The following RAD54L variants were observed in gnomAD, a reference collection of about 807,000 sequenced individuals.
RAD54L encodes the protein DNA repair and recombination protein RAD54-like.
Under a neutral mutation model 91.6 loss-of-function variants are expected in RAD54L, and 74 were observed. The observed-to-expected ratio is 0.81, with a 90% CI of 0.67 to 0.98. The LOEUF (loss-of-function observed/expected upper bound fraction) is 0.98, where lower values mean the gene tolerates loss of function less well. Among genes scored for constraint, RAD54L ranks in the 50% least tolerant of loss-of-function variants. The probability of loss-of-function intolerance (pLI) is 0.00; values close to 1 mark genes in which losing one functional copy is unlikely to be tolerated. For missense variants in RAD54L, 887 were observed against 945.7 expected, an observed-to-expected ratio of 0.94 and a Z score of 0.81; for synonymous variants, 304 against 349.7, an observed-to-expected ratio of 0.87 and a Z score of 1.46.
intron 9 of RAD54L, among the ~76,000 whole-genome samples, chr1:46,269,176 T>C (rs908286900): frequency 1.3e-5 from 2 of 152,230 alleles, no homozygotes; most frequent in Admixed American, 1.3e-4. Context: ...AATGTTCATA[T>C]ATGTGTTGCT....
chr1:46,258,538 C>T (rs1660005419), intron 3 of RAD54L, 148 bp from the exon 4 acceptor site: 4 of 698,236 alleles, frequency 5.7e-6, no homozygotes, highest in Admixed American at 4.3e-5. Flanking sequence ...GAGGCTGGGC[C>T]CTTCTGCTAT....
At chr1:46,275,991 T>G (rs934857074) in intron 16 of RAD54L, among the ~76,000 whole-genome samples, 6 of 151,980 alleles carry the variant, frequency 3.9e-5, no homozygotes, top group Non-Finnish European at 8.8e-5. Flanking sequence ...CTTTGGAAAC[T>G]CCACTCTGGT....
intron 3 of RAD54L, among the ~76,000 whole-genome samples, chr1:46,256,275 C>A (rs1453699060): frequency 6.6e-6 from 1 of 152,032 alleles, no homozygotes; most frequent in Non-Finnish European, 1.5e-5. Flanking sequence ...GGGGGGGTCT[C>A]ACTACGTTGC....
At chr1:46,259,775 CAAA>C (rs368127843) in intron 4 of RAD54L, among the ~76,000 whole-genome samples, 186 bp from the exon 5 acceptor site, 2 of 103,608 alleles carry the variant, frequency 1.9e-5, no homozygotes, top group South Asian at 2.9e-4. Context: ...GACTCCATCT[CAAA>C]AAAAAAAAAA....
At chr1:46,262,860 G>A (rs1367718738) in intron 8 of RAD54L, among the ~76,000 whole-genome samples, 1 of 152,106 alleles carries the variant, frequency 6.6e-6, no homozygotes, top group Non-Finnish European at 1.5e-5. Context: ...AGGTTCTAGA[G>A]TTAGAGACCT....
intron 9 of RAD54L, among the ~76,000 whole-genome samples, chr1:46,268,351 C>T (rs748656553): frequency 6.6e-6 from 1 of 152,148 alleles, no homozygotes; most frequent in Non-Finnish European, 1.5e-5. Context: ...CTCCTCATTC[C>T]TCCCTCCCCT....
intron 3 of RAD54L, among the ~76,000 whole-genome samples, chr1:46,253,008 G>A (rs1400391565): frequency 6.6e-6 from 1 of 152,150 alleles, no homozygotes; most frequent in Non-Finnish European, 1.5e-5. Flanking sequence ...GGAGGTCAAG[G>A]GTGCAGTGAC....
At chr1:46,256,042 T>G (rs1410487876) in intron 3 of RAD54L, among the ~76,000 whole-genome samples, 2 of 152,072 alleles carry the variant, frequency 1.3e-5, no homozygotes, top group Non-Finnish European at 2.9e-5. Flanking sequence ...AAAAGAAAAT[T>G]AGGGTCCATC....
chr1:46,272,470 C>G lies in RAD54L; in HGVS notation c.1174C>G (p.Leu392Val). Residue 392 changes from leucine to valine, a missense_variant, in exon 11 of 18, where the codon CTG becomes GTG. By Grantham distance (32) the Leu-to-Val change is conservative (BLOSUM62 1). Transcript: ENST00000371975. ...TTTTTATCCTGTTTTCTCTAGATGCCTGATACGGAGGACTTCTGATATCCT... is the reference window on the plus strand; with the variant it reads ...TTTTTATCCTGTTTTCTCTAGATGCGTGATACGGAGGACTTCTGATATCCT... ...RELTSIVNRC[L>V]IRRTSDILSK... 1 of 1,609,024 alleles carries G rather than the reference C, an allele frequency of 6.2e-7. No individual in the cohort carries two copies. Among genetic ancestry groups the G allele is most frequent in the Non-Finnish European group, 8.5e-7 (1 of 1,175,338 alleles).
intron 16 of RAD54L, 105 bp downstream of exon 16, chr1:46,274,822 T>G (rs1315293859): frequency 1.5e-6 from 2 of 1,361,262 alleles, no homozygotes; most frequent in East Asian, 2.3e-5. Flanking sequence ...CCTCTAGCAG[T>G]AGCCAAGCTA....
chr1:46,261,406 T>G (rs1435448646), intron 8 of RAD54L, 21 bp downstream of exon 8: 1 of 1,613,998 alleles, frequency 6.2e-7, no homozygotes. Context: ...CTCAGCAGTC[T>G]GGGTGGTAGG....
intron 7 of RAD54L, 54 bp from the exon 8 acceptor site, chr1:46,261,207 T>G (rs1660111308): frequency 8.7e-6 from 14 of 1,605,556 alleles, no homozygotes; most frequent in Admixed American, 8.5e-5. Flanking sequence ...TTTTTTTGTT[T>G]TTTTTTTTTT....
In RAD54L at chr1:46,267,507, A is replaced by G. The variant is rs1167366835; in HGVS notation, c.940A>G (p.Ser314Gly). 6.2e-7 allele frequency: 1 copy of G among 1,614,186 alleles called. No individual in the cohort carries two copies. The highest frequency in any genetic ancestry group is 2.2e-5 in the East Asian group (1 of 44,876). The change falls in exon 9 of 18, where the codon AGC (serine) becomes GGC (glycine). Residue 314 changes from serine to glycine, a missense_variant. Ser to Gly is a moderately conservative substitution (Grantham distance 56, BLOSUM62 0). Transcript: ENST00000371975. ...GAATCAGACTTACCAAGCCCTGGAC[A>G]GCTTGAACACCAGCCGGCGGGTGCT... ...SENQTYQALD[S>G]LNTSRRVLIS...
At chr1:46,276,896 G>GTTCA (rs1660621052) in intron 16 of RAD54L, among the ~76,000 whole-genome samples, 1 of 152,144 alleles carries the variant, frequency 6.6e-6, no homozygotes, top group Non-Finnish European at 1.5e-5. Flanking sequence ...TGCTTCCCGG[G>GTTCA]TTCAAGCGAT....
chr1:46,256,265 G>A (rs188930621), intron 3 of RAD54L, among the ~76,000 whole-genome samples: 2 of 152,032 alleles, frequency 1.3e-5, no homozygotes, highest in Admixed American at 6.6e-5. Flanking sequence ...CGGGGTGTGT[G>A]GGGGGGTCTC....
At chr1:46,266,072 G>A (rs1660259646) in intron 8 of RAD54L, among the ~76,000 whole-genome samples, 1 of 152,232 alleles carries the variant, frequency 6.6e-6, no homozygotes, top group South Asian at 2.1e-4. Context: ...GCAGCCTGGA[G>A]TCACTGAGGA....
chr1:46,264,625 T>A (rs1220811412), intron 8 of RAD54L, among the ~76,000 whole-genome samples: 1 of 152,190 alleles, frequency 6.6e-6, no homozygotes, highest in Non-Finnish European at 1.5e-5. Flanking sequence ...TTTGTACAAG[T>A]GTATAAATAG....
Position 46,265,456 on chromosome 1 carries a change from TAG to T in RAD54L, c.892-1999_892-1998del, listed in dbSNP as rs1660241030. 6.6e-6 allele frequency among the ~76,000 whole-genome samples: 1 copy of T among 152,102 alleles called. No homozygotes were observed. Among genetic ancestry groups the T allele is most frequent in the African/African-American group, 2.4e-5 (1 of 41,434 alleles). On this transcript the variant is annotated intron_variant, in intron 8 of 17. Transcript: ENST00000371975. This position sits in a 1 kb window ranked among gnomAD's most constrained non-coding sequence, Gnocchi z 4.8. ...ACCCAGCTAATTTTTGTATTTTTAG[TAG>T]AGACAGGGTTTCACCATGTTGGCCA...
intron 16 of RAD54L, among the ~76,000 whole-genome samples, chr1:46,276,374 A>G (rs1183092876): frequency 6.6e-6 from 1 of 152,044 alleles, no homozygotes; most frequent in Non-Finnish European, 1.5e-5. Context: ...TATGTTGCCT[A>G]GGCTGGTCTC....
Sources: allele counts gnomAD v4.1 joint callset (sites outside exome capture counted in the v4.1 genomes callset), GRCh38; gene constraint gnomAD v4.1.1; non-coding constraint Gnocchi (gnomAD v3.1); transcripts MANE v1.5; gene names NCBI Gene and HGNC (gene_info 2026-07-23, HGNC 2026-07-21).